PPARGC1A: variants seen among roughly 807,000 people sequenced by gnomAD.
PPARGC1A encodes peroxisome proliferator-activated receptor gamma coactivator 1-alpha.
Under a neutral mutation model 88.7 loss-of-function variants are expected in PPARGC1A, and 25 were observed. The observed-to-expected ratio is 0.28, with a 90% CI of 0.21 to 0.39. The LOEUF (loss-of-function observed/expected upper bound fraction) is 0.39. Among genes scored for constraint, PPARGC1A ranks in the 10% least tolerant of loss-of-function variants. The pLI is 1.00. For synonymous variants in PPARGC1A, 363 were observed against 355.6 expected, an observed-to-expected ratio of 1.02 and a Z score of -0.24; for missense variants, 880 against 968.7, an observed-to-expected ratio of 0.91 and a Z score of 1.22.
At chr4:24,224,756 T>C in the PPARGC1A span, among the ~76,000 whole-genome samples, 1 of 152,166 alleles carries the variant, frequency 6.6e-6, no homozygotes, top group Non-Finnish European at 1.5e-5. Context: ...GAGATCATGA[T>C]GCAAGCCATG....
chr4:24,408,727 T>A, the PPARGC1A span, among the ~76,000 whole-genome samples: 19 of 152,186 alleles, frequency 1.2e-4, no homozygotes, highest in Admixed American at 1.1e-3. Flanking sequence ...AGTAGGCCAC[T>A]CTGGAGATCC....
the PPARGC1A span, among the ~76,000 whole-genome samples, chr4:24,019,958 T>C: frequency 6.6e-6 from 1 of 152,220 alleles, no homozygotes; most frequent in African/African-American, 2.4e-5. Flanking sequence ...CGTGGAGTCC[T>C]TACTGACCTG....
At chr4:24,145,615 T>C in the PPARGC1A span, among the ~76,000 whole-genome samples, 2,021 of 152,328 alleles carry the variant, frequency 0.013, 24 homozygotes, top group Non-Finnish European at 0.021. Context: ...TAATCCCATT[T>C]GTAGGAGAGG....
chr4:24,115,721 A>G, the PPARGC1A span, among the ~76,000 whole-genome samples: 3 of 152,180 alleles, frequency 2.0e-5, no homozygotes, highest in East Asian at 1.9e-4. Context: ...TAATGCTGAC[A>G]AAGTATTAGA....
At chr4:23,930,574 C>A in the PPARGC1A span, among the ~76,000 whole-genome samples, 2 of 152,146 alleles carry the variant, frequency 1.3e-5, no homozygotes, top group African/African-American at 2.4e-5. Context: ...TCATTGATTT[C>A]TTTCTTTTTA....
chr4:24,329,263 T>G, the PPARGC1A span, among the ~76,000 whole-genome samples: 1 of 152,002 alleles, frequency 6.6e-6, no homozygotes, highest in African/African-American at 2.4e-5. Flanking sequence ...TTAAGCTTTT[T>G]TTTTTTTCCT....
In PPARGC1A at chr4:23,795,828, G is replaced by A; in HGVS notation, c.2391C>T (p.Arg797=). 2.5e-6 allele frequency: 4 copies of A among 1,609,446 alleles called. No homozygotes were observed. The highest frequency in any genetic ancestry group is 3.4e-6 in the Non-Finnish European group (4 of 1,177,980). ...SLLKEAQRSL[R]R Reference sequence around the variant, plus strand: ...TCCTCAGCTAGGGAACATGTTACCTGCGCAAGCTTCTCTGAGCTTCTTTCA... The same window carrying A: ...TCCTCAGCTAGGGAACATGTTACCTACGCAAGCTTCTCTGAGCTTCTTTCA... The change falls in exon 13 of 13, where the codon CGC becomes CGT. Residue 797 remains arginine, a synonymous_variant. Transcript: ENST00000264867.
chr4:23,980,016 T>C, the PPARGC1A span, among the ~76,000 whole-genome samples: 1 of 152,070 alleles, frequency 6.6e-6, no homozygotes, highest in Non-Finnish European at 1.5e-5. Flanking sequence ...GACTGTTTAA[T>C]ATTTCCTTCC....
chr4:23,856,458 C>G (rs1465351440), intron 2 of PPARGC1A, among the ~76,000 whole-genome samples: 1 of 152,152 alleles, frequency 6.6e-6, no homozygotes, highest in Non-Finnish European at 1.5e-5. Flanking sequence ...GCAGGACACT[C>G]GGAGAAGTCA....
the PPARGC1A span, among the ~76,000 whole-genome samples, chr4:23,939,945 A>G: frequency 6.6e-6 from 1 of 152,148 alleles, no homozygotes; most frequent in Non-Finnish European, 1.5e-5. Context: ...ATTTTAAGCC[A>G]TCTCTTCTCA....
chr4:24,435,367 C>G, the PPARGC1A span, among the ~76,000 whole-genome samples: 5 of 152,222 alleles, frequency 3.3e-5, no homozygotes, highest in African/African-American at 1.2e-4. Context: ...CTTCTGCAGA[C>G]AGGCCATGCC....
the PPARGC1A span, among the ~76,000 whole-genome samples, chr4:24,060,078 G>A: frequency 6.6e-6 from 1 of 152,164 alleles, no homozygotes; most frequent in Non-Finnish European, 1.5e-5. Context: ...TCATCACAGA[G>A]CTATTTTTCA....
chr4:24,426,651 T>A, the PPARGC1A span, among the ~76,000 whole-genome samples: 1 of 152,214 alleles, frequency 6.6e-6, no homozygotes, highest in South Asian at 2.1e-4. Flanking sequence ...ATGGCTTAAG[T>A]ATGGGCTAGT....
the PPARGC1A span, among the ~76,000 whole-genome samples, chr4:24,442,797 C>A: frequency 0.71 from 107,849 of 152,058 alleles, 38,917 homozygotes; most frequent in African/African-American, 0.82. Flanking sequence ...GTGGCCCTGA[C>A]ATGATTAAAT....
intron 2 of PPARGC1A, among the ~76,000 whole-genome samples, chr4:23,852,153 A>T (rs1729406215): frequency 1.3e-5 from 2 of 152,188 alleles, no homozygotes. Context: ...TTGAATTAAA[A>T]TGTAGAATTA....
At chr4:24,444,561 C>G in the PPARGC1A span, among the ~76,000 whole-genome samples, 1 of 152,168 alleles carries the variant, frequency 6.6e-6, no homozygotes, top group Non-Finnish European at 1.5e-5. Context: ...GAAAATGAAG[C>G]AACACAGTGA....
At chr4:24,420,732 T>TCCAA in the PPARGC1A span, among the ~76,000 whole-genome samples, 1 of 152,134 alleles carries the variant, frequency 6.6e-6, no homozygotes, top group Non-Finnish European at 1.5e-5. Flanking sequence ...TGGCACATTC[T>TCCAA]CCAACCGATT....
the PPARGC1A span, among the ~76,000 whole-genome samples, chr4:23,921,499 C>T: frequency 6.6e-6 from 1 of 152,222 alleles, no homozygotes; most frequent in African/African-American, 2.4e-5. Context: ...ACACAGCAGA[C>T]ATCAGGGTGC....
chr4:23,834,488 CA>C (rs11355768), intron 2 of PPARGC1A, among the ~76,000 whole-genome samples: 109,990 of 144,194 alleles, frequency 0.76, 41,439 homozygotes, highest in Admixed American at 0.82. Flanking sequence ...GACTCTGTCT[CA>C]AAAAAAAAAA....
Sources: gnomAD v4.1 joint callset for allele counts (sites outside exome capture counted in the v4.1 genomes callset) on GRCh38, gnomAD v4.1.1 for gene constraint, MANE v1.5 for transcripts, NCBI Gene and HGNC (gene_info 2026-07-23, HGNC 2026-07-21) for gene names.